Variants in CTNND2 observed in about 807,000 individuals in gnomAD.
CTNND2 encodes the protein catenin delta-2.
In CTNND2, 22 loss-of-function variants were observed where a neutral mutation model predicts 144.4. The observed-to-expected ratio is 0.15, with a 90% CI of 0.11 to 0.22. The LOEUF (loss-of-function observed/expected upper bound fraction) is 0.22, where lower values mean the gene tolerates loss of function less well. Among genes scored for constraint, CTNND2 ranks in the 10% least tolerant of loss-of-function variants. CTNND2 has a pLI of 1.00. For synonymous variants in CTNND2, 751 were observed against 695.6 expected, an observed-to-expected ratio of 1.08 and a Z score of -1.25; for missense variants, 1,353 against 1,618.8, an observed-to-expected ratio of 0.84 and a Z score of 2.82.
intron 13 of CTNND2, among the ~76,000 whole-genome samples, chr5:11,112,134 C>T (rs1279170908): frequency 5.3e-5 from 8 of 152,174 alleles, no homozygotes; most frequent in Admixed American, 3.9e-4. Context: ...CAGTCGTGAG[C>T]CACCGCACCC....
rs114242282 is a variant in CTNND2, at chr5:11,763,332, G to A, written c.38-31060C>T. Among the ~76,000 whole-genome samples the A allele has an allele frequency of 5.4e-3, 815 of 152,204 alleles. 13 individuals are homozygous for A. Among genetic ancestry groups the A allele is most frequent in the African/African-American group, 0.019 (785 of 41,546 alleles). ...AAGGCTTACATAAGGCAATGAAAAT[G>A]GGAGAAACACACTCTTTACTCAGCC... is the stretch of plus-strand genomic sequence containing the variant. On this transcript the variant is annotated intron_variant, in intron 1 of 21. Coordinates refer to ENST00000304623, the MANE Select transcript of CTNND2 (RefSeq NM_001332.4).
At chr5:11,464,119 T>C (rs1766456396) in intron 3 of CTNND2, among the ~76,000 whole-genome samples, 1 of 152,232 alleles carries the variant, frequency 6.6e-6, no homozygotes, top group African/African-American at 2.4e-5. Flanking sequence ...ATTCATCTGA[T>C]ATTTATTGAG....
At chr5:11,588,606 T>A (rs1466048130) in intron 2 of CTNND2, 1 of 249,106 alleles carries the variant, frequency 4.0e-6, no homozygotes, top group Non-Finnish European at 6.4e-6. Context: ...AATAAATTCT[T>A]ACCATATTTT....
At chr5:11,059,835 C>T (rs903898098) in intron 16 of CTNND2, among the ~76,000 whole-genome samples, 41 of 151,912 alleles carry the variant, frequency 2.7e-4, no homozygotes, top group African/African-American at 9.4e-4. Context: ...AAAAGTATCA[C>T]AGAAACTCTT....
chr5:11,019,910 T>C (rs765876559), intron 17 of CTNND2, among the ~76,000 whole-genome samples: 1 of 152,248 alleles, frequency 6.6e-6, no homozygotes, highest in African/African-American at 2.4e-5. Context: ...CATGATAGAA[T>C]GTCCATAATG....
At chr5:11,018,711 T>TC in intron 17 of CTNND2, among the ~76,000 whole-genome samples, 1 of 149,102 alleles carries the variant, frequency 6.7e-6, no homozygotes, top group East Asian at 1.9e-4. Flanking sequence ...CTGACTCTTT[T>TC]TTTTTTTTTT....
intron 16 of CTNND2, among the ~76,000 whole-genome samples, chr5:11,047,798 A>AC (rs1380797700): frequency 1.3e-5 from 2 of 152,182 alleles, no homozygotes; most frequent in Non-Finnish European, 2.9e-5. Flanking sequence ...GGACTGGCCA[A>AC]CAGGACCCCT....
At chr5:11,168,927 G>A (rs1026854187) in intron 11 of CTNND2, among the ~76,000 whole-genome samples, 1 of 152,064 alleles carries the variant, frequency 6.6e-6, no homozygotes, top group African/African-American at 2.4e-5. Context: ...TTTTGGCCCT[G>A]GGTTAAACGA....
At chr5:11,417,793 A>G (rs371374841) in intron 3 of CTNND2, among the ~76,000 whole-genome samples, 33 of 152,254 alleles carry the variant, frequency 2.2e-4, no homozygotes, top group African/African-American at 7.5e-4. Context: ...TTTTGCTTCT[A>G]TGTAGAGACT....
At chr5:11,519,618 T>C (rs1481269975) in intron 3 of CTNND2, among the ~76,000 whole-genome samples, 1 of 152,112 alleles carries the variant, frequency 6.6e-6, no homozygotes, top group Non-Finnish European at 1.5e-5. Flanking sequence ...AGATACTGTT[T>C]AATATTATCT....
At chr5:11,652,950 T>C (rs183714071) in intron 2 of CTNND2, among the ~76,000 whole-genome samples, 57 of 152,242 alleles carry the variant, frequency 3.7e-4, no homozygotes, top group Non-Finnish European at 6.0e-4. Flanking sequence ...ATTACACATA[T>C]AAAAGAGATC....
intron 1 of CTNND2, among the ~76,000 whole-genome samples, chr5:11,740,809 T>G (rs1581804606): frequency 6.6e-6 from 1 of 152,204 alleles, no homozygotes; most frequent in East Asian, 1.9e-4. Flanking sequence ...AGGCCTAATA[T>G]CCAGAATCTA....
intron 20 of CTNND2, among the ~76,000 whole-genome samples, chr5:10,982,378 C>G (rs1737398184): frequency 1.3e-5 from 2 of 152,250 alleles, no homozygotes; most frequent in African/African-American, 2.4e-5. Flanking sequence ...GCTTTGGAAT[C>G]AAACTAGATG....
chr5:11,058,057 A>T (rs1746524414), intron 16 of CTNND2, among the ~76,000 whole-genome samples: 1 of 152,206 alleles, frequency 6.6e-6, no homozygotes, highest in South Asian at 2.1e-4. Flanking sequence ...TTGGTTTTAT[A>T]AGGGAAGCAG....
chr5:11,129,309 T>TAA (rs1755313584), intron 12 of CTNND2, among the ~76,000 whole-genome samples: 2 of 76,846 alleles, frequency 2.6e-5, no homozygotes, highest in Admixed American at 2.0e-4. Context: ...ATATTATATA[T>TAA]ATAAATATAT....
chr5:11,411,373 T>C (rs1268197587), intron 5 of CTNND2, among the ~76,000 whole-genome samples, 163 bp downstream of exon 5: 5 of 152,128 alleles, frequency 3.3e-5, no homozygotes, highest in Non-Finnish European at 7.4e-5. Flanking sequence ...GGTGGGATAA[T>C]GTGGGAAGGG....
At chr5:11,292,264 C>A (rs945984027) in intron 9 of CTNND2, among the ~76,000 whole-genome samples, 1 of 152,058 alleles carries the variant, frequency 6.6e-6, no homozygotes, top group Non-Finnish European at 1.5e-5. Context: ...TAGAATGTGG[C>A]CCTTTTTGGA....
chr5:11,436,289 T>G (rs31822), intron 3 of CTNND2, among the ~76,000 whole-genome samples: 34,495 of 151,780 alleles, frequency 0.23, 7,617 homozygotes, highest in African/African-American at 0.58. Context: ...GAGAGAAAAA[T>G]CTCACTATCC....
At chr5:11,692,178 T>A (rs1055379220) in intron 2 of CTNND2, among the ~76,000 whole-genome samples, 3 of 152,246 alleles carry the variant, frequency 2.0e-5, no homozygotes, top group Non-Finnish European at 2.9e-5. Flanking sequence ...ATGGCTGCAA[T>A]GTATTTTGTG....
Sources: gnomAD v4.1 joint callset for allele counts (sites outside exome capture counted in the v4.1 genomes callset) on GRCh38, gnomAD v4.1.1 for gene constraint, MANE v1.5 for transcripts, NCBI Gene and HGNC (gene_info 2026-07-23, HGNC 2026-07-21) for gene names.